The following PUS10 variants were observed in gnomAD, a reference collection of about 807,000 sequenced individuals.
PUS10 encodes tRNA pseudouridine synthase Pus10.
In PUS10, 59 loss-of-function variants were observed where a neutral mutation model predicts 75.0. The observed-to-expected ratio is 0.79, with a 90% CI of 0.64 to 0.98. The LOEUF (loss-of-function observed/expected upper bound fraction) is 0.98, where lower values mean the gene tolerates loss of function less well. PUS10 is among the 50% of genes least tolerant of loss of function. PUS10 has a pLI of 0.00. For missense variants in PUS10, 650 were observed against 614.4 expected, an observed-to-expected ratio of 1.06 and a Z score of -0.61; for synonymous variants, 219 against 211.6, an observed-to-expected ratio of 1.03 and a Z score of -0.30.
intron 4 of PUS10, among the ~76,000 whole-genome samples, chr2:60,984,880 T>C (rs1677621147): frequency 6.6e-6 from 1 of 152,154 alleles, no homozygotes; most frequent in Non-Finnish European, 1.5e-5. Flanking sequence ...TTAATATGTA[T>C]ATAGCAAAAG....
intron 1 of PUS10, chr2:61,017,297 C>T (rs1216404408): frequency 6.5e-6 from 1 of 153,812 alleles, no homozygotes; most frequent in African/African-American, 2.4e-5. Context: ...AAAGTACCAG[C>T]CCGCTCTCGC....
At chr2:60,951,898 G>A (rs1010957338) in intron 15 of PUS10, among the ~76,000 whole-genome samples, 2 of 152,130 alleles carry the variant, frequency 1.3e-5, no homozygotes, top group Non-Finnish European at 2.9e-5. Context: ...AATAGTAGTG[G>A]TCCATTATAC....
chr2:60,969,342 T>C (rs1192513051), intron 5 of PUS10, among the ~76,000 whole-genome samples: 1 of 152,226 alleles, frequency 6.6e-6, no homozygotes, highest in African/African-American at 2.4e-5. Context: ...TTTCCAATCC[T>C]GAAAGTTAAA....
chr2:60,980,589 T>C (rs780921347), intron 4 of PUS10, among the ~76,000 whole-genome samples: 1 of 152,170 alleles, frequency 6.6e-6, no homozygotes, highest in Non-Finnish European at 1.5e-5. Flanking sequence ...AAATCACTTA[T>C]AGAAACTTGG....
intron 4 of PUS10, among the ~76,000 whole-genome samples, chr2:60,991,663 A>G (rs116659454): frequency 0.011 from 1,750 of 152,266 alleles, 35 homozygotes; most frequent in African/African-American, 0.039. Flanking sequence ...CAATTTAATT[A>G]GTACTTTTAA....
At position 60,967,590 on chromosome 2, in the gene PUS10, C is replaced by T; in HGVS notation, c.527G>A (p.Arg176Lys). The change falls in exon 6 of 18, where the codon AGA becomes AAA. Residue 176 changes from arginine (R) to lysine (K), a missense_variant. Transcript: ENST00000316752. ...TTCTTTTAGCTGAACTATATCATCT[C>T]TTCCCAGCGACAGACTCTGCTTTCT... ...EMGKQSLSLGRDDIVQLKEAY... is the reference protein window; with the variant it reads ...EMGKQSLSLGKDDIVQLKEAY... 2 of 1,606,174 alleles carry T rather than the reference C, an allele frequency of 1.2e-6. No individual in the cohort carries two copies. Among genetic ancestry groups the T allele is most frequent in the South Asian group, 2.2e-5 (2 of 89,228 alleles).
At chr2:60,976,473 A>G (rs978292666) in intron 4 of PUS10, among the ~76,000 whole-genome samples, 4 of 152,238 alleles carry the variant, frequency 2.6e-5, no homozygotes, top group Non-Finnish European at 5.9e-5. Flanking sequence ...TCTACAAGTC[A>G]CTTCCAGGTG....
At chr2:61,003,708 C>A (rs1335388956) in intron 4 of PUS10, among the ~76,000 whole-genome samples, 1 of 151,674 alleles carries the variant, frequency 6.6e-6, no homozygotes, top group Non-Finnish European at 1.5e-5. Context: ...CCACACCCAG[C>A]TAATTTTTAA....
At chr2:61,011,941 C>T in intron 1 of PUS10, 36 bp from the exon 2 acceptor site, 1 of 1,517,966 alleles carries the variant, frequency 6.6e-7, no homozygotes, top group Non-Finnish European at 8.9e-7. Flanking sequence ...TGAGCAGCTT[C>T]TGCGTTTTAC....
chr2:61,006,753 C>A, intron 3 of PUS10, 110 bp from the exon 4 acceptor site: 2 of 739,786 alleles, frequency 2.7e-6, no homozygotes, highest in Non-Finnish European at 4.4e-6. Context: ...GCAAAACTTC[C>A]AAACTTTCAC....
chr2:60,957,170 A>G (rs1675728250), intron 11 of PUS10, among the ~76,000 whole-genome samples: 1 of 152,166 alleles, frequency 6.6e-6, no homozygotes, highest in Non-Finnish European at 1.5e-5. Flanking sequence ...TAGAAAATAC[A>G]TGCTTAAAAC....
intron 6 of PUS10, chr2:60,966,880 C>T (rs1422517289): frequency 6.6e-6 from 1 of 152,260 alleles, no homozygotes; most frequent in Non-Finnish European, 1.5e-5. Flanking sequence ...GCAATGAGGC[C>T]ATAATATTAA....
In PUS10 at chr2:61,004,590, C is replaced by T. The variant is rs182628307; in HGVS notation, c.468+1967G>A. Among the ~76,000 whole-genome samples the T allele has an allele frequency of 2.9e-3, 388 of 132,226 alleles. 1 individual carries two copies. The highest frequency in any genetic ancestry group is 4.7e-3 in the Non-Finnish European group (305 of 64,978). The allele number at this position is 132,226 out of a possible 152,430, so 86.7% of individuals were successfully genotyped here. A position where few individuals can be genotyped will look rare whatever the true frequency, so the allele number is the denominator to read the frequency against. Reference sequence around the variant, plus strand: ...CTTGCAGTGAGCTGAGATCGTGCCACTGCACTCCAGCCTGCGTGACAGAGA... The same window carrying T: ...CTTGCAGTGAGCTGAGATCGTGCCATTGCACTCCAGCCTGCGTGACAGAGA... On this transcript the variant is annotated intron_variant, in intron 4 of 17. Coordinates refer to ENST00000316752, the MANE Select transcript of PUS10 (RefSeq NM_144709.4).
chr2:60,991,783 G>A (rs1284387310), intron 4 of PUS10, among the ~76,000 whole-genome samples: 1 of 152,096 alleles, frequency 6.6e-6, no homozygotes, highest in Non-Finnish European at 1.5e-5. Context: ...CCCTAATTCT[G>A]TTTAACAATG....
intron 4 of PUS10, among the ~76,000 whole-genome samples, chr2:60,979,212 T>C (rs533943662): frequency 6.6e-6 from 1 of 152,166 alleles, no homozygotes; most frequent in East Asian, 1.9e-4. Context: ...TAATAGCCAT[T>C]TGGAAACTGG....
chr2:60,979,083 T>C (rs1677216837), intron 4 of PUS10, among the ~76,000 whole-genome samples: 1 of 151,922 alleles, frequency 6.6e-6, no homozygotes, highest in South Asian at 2.1e-4. Context: ...CAGTACCCCC[T>C]GCTCCAAACT....
Position 61,008,939 on chromosome 2 carries a change from G to A in PUS10, c.203C>T (p.Pro68Leu), listed in dbSNP as rs756902274. The A allele has an allele frequency of 6.2e-6, 10 of 1,613,496 alleles. No homozygotes were observed. The South Asian group carries it at 1.1e-4, about 18-fold the overall frequency. Residue 68 changes from proline (P) to leucine (L), a missense_variant, in exon 3 of 18, where the codon CCC becomes CTC. By Grantham distance (98) the Pro-to-Leu change is moderately conservative. Transcript: ENST00000316752. ...ELILEVMNPP[P>L]KKIRLQELED... ...CAGTTCTTGCAGTCGAATTTTCTTGGGAGGTGGGTTCATAACTTCCAAAAT... is the reference window on the plus strand; with the variant it reads ...CAGTTCTTGCAGTCGAATTTTCTTGAGAGGTGGGTTCATAACTTCCAAAAT...
chr2:60,995,249 A>T (rs1678375441), intron 4 of PUS10, among the ~76,000 whole-genome samples: 1 of 152,222 alleles, frequency 6.6e-6, no homozygotes, highest in Non-Finnish European at 1.5e-5. Flanking sequence ...ATGAAAGAGC[A>T]CATGCAACAC....
chr2:61,017,516 T>C, intron 1 of PUS10: 1 of 488,542 alleles, frequency 2.0e-6, no homozygotes, highest in Non-Finnish European at 3.7e-6. Flanking sequence ...GCCTTTACCC[T>C]GAGGTTTAGA....
Sources: gnomAD v4.1 joint callset for allele counts (sites outside exome capture counted in the v4.1 genomes callset) on GRCh38, gnomAD v4.1.1 for gene constraint, MANE v1.5 for transcripts, NCBI Gene and HGNC (gene_info 2026-07-23, HGNC 2026-07-21) for gene names.